NELL1: variants seen among roughly 807,000 people sequenced by gnomAD.
NELL1 encodes protein kinase C-binding protein NELL1.
Under a neutral mutation model 107.4 loss-of-function variants are expected in NELL1, and 76 were observed. That is an observed-to-expected ratio of 0.71 (90% confidence interval 0.59 to 0.86). NELL1 has a LOEUF of 0.86. NELL1 is among the 40% of genes least tolerant of loss of function. The probability of loss-of-function intolerance (pLI) is 0.00; values close to 1 mark genes in which losing one functional copy is unlikely to be tolerated. For missense variants in NELL1, 1,024 were observed against 1,005.5 expected, an observed-to-expected ratio of 1.02 and a Z score of -0.25; for synonymous variants, 353 against 341.2, an observed-to-expected ratio of 1.03 and a Z score of -0.38.
chr11:21,170,141 T>A, intron 13 of NELL1: 1 of 674,828 alleles, frequency 1.5e-6, no homozygotes. Context: ...GTTCCATGAC[T>A]CCTTCAATAC....
At chr11:21,524,521 T>A (rs1855802764) in intron 15 of NELL1, among the ~76,000 whole-genome samples, 1 of 152,140 alleles carries the variant, frequency 6.6e-6, no homozygotes, top group African/African-American at 2.4e-5. Flanking sequence ...GTGCTTGGAT[T>A]TTAATTTAAA....
chr11:21,467,438 A>G (rs900703137), intron 15 of NELL1, among the ~76,000 whole-genome samples: 3 of 152,080 alleles, frequency 2.0e-5, no homozygotes, highest in African/African-American at 7.2e-5. Flanking sequence ...GGTCATTACA[A>G]TATAGACATG....
intron 15 of NELL1, among the ~76,000 whole-genome samples, chr11:21,478,468 G>A (rs10766820): frequency 0.32 from 48,391 of 151,900 alleles, 8,971 homozygotes; most frequent in Middle Eastern, 0.42. Context: ...AAGTCTCATT[G>A]GAGACAAGGC....
At chr11:21,305,227 A>G (rs534733358) in intron 14 of NELL1, among the ~76,000 whole-genome samples, 5 of 152,190 alleles carry the variant, frequency 3.3e-5, no homozygotes, top group African/African-American at 1.2e-4. Flanking sequence ...GGAAATGACA[A>G]GAGCCATCAA....
At position 21,092,539 on chromosome 11, in the gene NELL1, A is replaced by G. The variant is rs561212190; in HGVS notation, c.1301-21050A>G. The stretch of plus-strand genomic sequence containing the variant: ...AAACTGTGTATTTCCTAAAATGATA[A>G]TGATGATGATGATAATATATGCCCC... On this transcript the variant is annotated intron_variant, in intron 12 of 19. Coordinates refer to ENST00000357134, the MANE Select transcript of NELL1 (RefSeq NM_006157.5). Among the ~76,000 whole-genome samples, 52 of 152,158 alleles carry G rather than the reference A, an allele frequency of 3.4e-4. 2 individuals are homozygous for G. The highest frequency in any genetic ancestry group is 6.9e-4 in the Non-Finnish European group (47 of 68,022).
intron 14 of NELL1, among the ~76,000 whole-genome samples, chr11:21,264,356 A>T (rs185045636): frequency 6.6e-6 from 1 of 152,004 alleles, no homozygotes; most frequent in East Asian, 1.9e-4. Flanking sequence ...AGATGGAGAT[A>T]AAGTGTCATC....
chr11:21,269,242 G>A (rs947709166), intron 14 of NELL1, among the ~76,000 whole-genome samples: 1 of 152,006 alleles, frequency 6.6e-6, no homozygotes, highest in African/African-American at 2.4e-5. Flanking sequence ...ATAGGAATAT[G>A]GGAAACAATA....
chr11:21,079,485 C>T (rs1232558433), intron 12 of NELL1, among the ~76,000 whole-genome samples: 2 of 151,934 alleles, frequency 1.3e-5, no homozygotes, highest in Non-Finnish European at 2.9e-5. Context: ...TAGTAGAAAA[C>T]ACTAGTCATG....
intron 12 of NELL1, among the ~76,000 whole-genome samples, chr11:20,991,654 T>C (rs1247051885): frequency 3.3e-5 from 5 of 152,016 alleles, no homozygotes; most frequent in Admixed American, 2.6e-4. Context: ...GGATTGGTCG[T>C]TTGTTTGCAT....
In NELL1 at chr11:21,492,702, A is replaced by G. The variant is rs1854858319; in HGVS notation, c.1646-41672A>G. ...TAGGTGGGAATTGAACAATGAGAAC[A>G]CATGGACATAGGAAGGGGAACATCA... On this transcript the variant is annotated intron_variant, in intron 15 of 19. Transcript: ENST00000357134. Among the ~76,000 whole-genome samples, 6 of 138,128 alleles carry G rather than the reference A, an allele frequency of 4.3e-5. 1 individual carries two copies. In the South Asian group the frequency reaches 1.4e-3, roughly 32 times the overall value. The allele number at this position is 138,128 out of a possible 152,430, so 90.6% of individuals were successfully genotyped here. A position where few individuals can be genotyped will look rare whatever the true frequency, so the allele number is the denominator to read the frequency against.
chr11:21,274,120 G>C (rs1848801814), intron 14 of NELL1, among the ~76,000 whole-genome samples: 1 of 152,140 alleles, frequency 6.6e-6, no homozygotes, highest in African/African-American at 2.4e-5. Flanking sequence ...ATTGGATAAA[G>C]AGTCCAGACC....
chr11:21,148,855 G>A (rs1357789234), intron 13 of NELL1, among the ~76,000 whole-genome samples: 1 of 152,034 alleles, frequency 6.6e-6, no homozygotes, highest in Non-Finnish European at 1.5e-5. Flanking sequence ...AACATAATTC[G>A]TTATATTACA....
intron 13 of NELL1, among the ~76,000 whole-genome samples, chr11:21,118,009 T>A (rs1033021091): frequency 1.4e-4 from 21 of 152,054 alleles, no homozygotes; most frequent in Non-Finnish European, 2.9e-4. Flanking sequence ...TACTAACAGA[T>A]TGCCAACAAA....
intron 15 of NELL1, among the ~76,000 whole-genome samples, chr11:21,410,034 T>G (rs1446073639): frequency 6.6e-6 from 1 of 152,096 alleles, no homozygotes; most frequent in African/African-American, 2.4e-5. Context: ...TAATCACACA[T>G]TTCAGAAGAA....
chr11:21,118,840 A>G (rs1172011713), intron 13 of NELL1, among the ~76,000 whole-genome samples: 2 of 151,994 alleles, frequency 1.3e-5, no homozygotes, highest in Non-Finnish European at 2.9e-5. Flanking sequence ...CTCAGTTTTT[A>G]GAAGTCAGTA....
chr11:21,279,933 T>C (rs1848955170), intron 14 of NELL1, among the ~76,000 whole-genome samples: 2 of 152,190 alleles, frequency 1.3e-5, no homozygotes, highest in African/African-American at 2.4e-5. Flanking sequence ...GAAACGTAAA[T>C]GCACAATACT....
At chr11:20,770,993 T>G (rs1460177310) in intron 2 of NELL1, 1 of 147,546 alleles carries the variant, frequency 6.8e-6, no homozygotes, top group Non-Finnish European at 1.5e-5. Flanking sequence ...GCACAGTTGT[T>G]TCTGGAAAGA....
chr11:21,299,511 A>G (rs1039543248), intron 14 of NELL1, among the ~76,000 whole-genome samples: 12 of 136,396 alleles, frequency 8.8e-5, no homozygotes, highest in East Asian at 2.2e-4. Context: ...ATTGTCTTAT[A>G]TGTGTGTGTG....
In NELL1 at chr11:20,701,122, C is replaced by A. The variant is rs187004824; in HGVS notation, c.184+23062C>A. On this transcript the variant is annotated intron_variant, in intron 2 of 19. Transcript: ENST00000357134. ...ATGGTTGGACTAGTTTACAGCCCCA[C>A]CAACAGTGTAAAAGTGTTCCTATTT... is the stretch of plus-strand genomic sequence containing the variant. Among the ~76,000 whole-genome samples, 1,263 of 152,292 alleles carry A rather than the reference C, an allele frequency of 8.3e-3. 12 individuals are homozygous for A. The highest frequency in any genetic ancestry group is 0.029 in the African/African-American group (1,202 of 41,556).
Sources: allele counts gnomAD v4.1 joint callset (sites outside exome capture counted in the v4.1 genomes callset), GRCh38; gene constraint gnomAD v4.1.1; transcripts MANE v1.5; gene names NCBI Gene and HGNC (gene_info 2026-07-23, HGNC 2026-07-21).